GANC: variants seen among roughly 807,000 people sequenced by gnomAD.
GANC encodes the protein neutral alpha-glucosidase C.
Under a neutral mutation model 124.2 loss-of-function variants are expected in GANC, and 117 were observed. The observed-to-expected ratio is 0.94, with a 90% confidence interval of 0.81 to 1.10. The LOEUF is 1.10. Ranked by LOEUF, GANC falls within the 50% of genes least tolerant of loss-of-function variation. The probability of loss-of-function intolerance (pLI) is 0.00; values close to 1 mark genes in which losing one functional copy is unlikely to be tolerated. For synonymous variants in GANC, 377 were observed against 376.8 expected (o/e 1.00, Z -0.01); for missense variants, 1,140 against 1,095.0 (o/e 1.04, Z -0.58).
rs16973008 is a variant in GANC, at chr15:42,287,786, G to A, written c.297G>A (p.Pro99=). Residue 99 remains proline (P), a synonymous_variant, in exon 4 of 24, where the codon CCG becomes CCA. Transcript: ENST00000318010. ...ETPLKPRFEV[P]DVLTSKPSTV... is the part of the protein sequence containing the mutation. ...CTCTAAAACCCAGATTTGAAGTTCC[G>A]GATGTCCTCACAAGCAAGCCAAGCA... 0.07 allele frequency: 112,073 copies of A among 1,612,530 alleles called. 5,711 individuals are homozygous for A. The highest frequency in any genetic ancestry group is 0.24 in the Admixed American group (14,156 of 59,708).
intron 10 of GANC, among the ~76,000 whole-genome samples, chr15:42,316,355 G>A (rs1466434291): frequency 6.6e-6 from 1 of 152,060 alleles, no homozygotes; most frequent in African/African-American, 2.4e-5. Flanking sequence ...ATGGCTGGGC[G>A]CGCTGATATT....
intron 21 of GANC, 73 bp from the exon 22 acceptor site, chr15:42,349,310 C>A: frequency 1.0e-6 from 1 of 953,118 alleles, no homozygotes; most frequent in Admixed American, 1.8e-5. Flanking sequence ...TGTTGTTACC[C>A]TTTAGGAGCT....
Position 42,334,900 on chromosome 15 carries a change from T to C in GANC, c.1742-3489T>C, listed in dbSNP as rs115123736. 8.0e-3 allele frequency among the ~76,000 whole-genome samples: 1,224 copies of C among 152,170 alleles called. 14 individuals carry two copies. The highest frequency in any genetic ancestry group is 0.028 in the African/African-American group (1,170 of 41,512). On this transcript the variant is annotated intron_variant, in intron 15 of 23. Coordinates refer to ENST00000318010, the MANE Select transcript of GANC (RefSeq NM_198141.3). ...GATAAATTCCTGGACACATATACCC[T>C]CCTAAGACTGAACCAAGAAGAAATT... is the stretch of plus-strand genomic sequence containing the variant.
At chr15:42,296,034 C>T (rs12908668) in intron 5 of GANC, among the ~76,000 whole-genome samples, 13 of 151,218 alleles carry the variant, frequency 8.6e-5, no homozygotes, top group African/African-American at 2.9e-4. Flanking sequence ...GTTCCATCTA[C>T]TTGGGAGGTT....
chr15:42,274,452 C>G lies in GANC; in HGVS notation c.-30C>G, dbSNP rs537329072. The G allele has an allele frequency of 6.1e-5, 98 of 1,607,686 alleles. No individual in the cohort carries two copies. The South Asian group carries it at 1.1e-3, about 17-fold the overall frequency. On this transcript the variant is annotated 5_prime_UTR_variant, in exon 1 of 24. Transcript: ENST00000318010. The stretch of plus-strand genomic sequence containing the variant: ...TCGCCCAGGGCCCTTGTCCTGAGAG[C>G]TGGGAGCTGGTCGGAGTGACAGAGA...
chr15:42,349,464 T>C lies in GANC; in HGVS notation c.2500T>C (p.Phe834Leu). 1.2e-6 allele frequency: 2 copies of C among 1,612,112 alleles called. No individual in the cohort carries two copies. The highest frequency in any genetic ancestry group is 1.7e-6 in the Non-Finnish European group (2 of 1,178,220). ...CCAGAAGCAATTTTTGCACAGGAAG[T>C]TTTCATTCTGTTCCAGTGTTCTGAT... ...LHQKQFLHRK[F>L]SFCSSVLINS... The change falls in exon 22 of 24, where the codon TTT becomes CTT. Residue 834 changes from phenylalanine (F) to leucine (L), a missense_variant. By Grantham distance (22) the Phe-to-Leu change is conservative. Coordinates refer to ENST00000318010, the MANE Select transcript of GANC (RefSeq NM_198141.3).
intron 12 of GANC, 111 bp downstream of exon 12, chr15:42,326,535 C>T: frequency 2.0e-6 from 3 of 1,510,626 alleles, no homozygotes; most frequent in Non-Finnish European, 2.7e-6. Flanking sequence ...CCTCTAGCTA[C>T]ATTTTAAGCA....
rs1251179141 is a variant in GANC, at chr15:42,351,349, A to G, written c.2552A>G (p.His851Arg). The G allele has an allele frequency of 1.2e-6, 2 of 1,613,996 alleles. No individual in the cohort carries two copies. Among genetic ancestry groups the G allele is most frequent in the Middle Eastern group, 1.7e-4 (1 of 6,056 alleles). Residue 851 changes from histidine (H) to arginine (R), a missense_variant, in exon 23 of 24, where the codon CAT becomes CGT. Coordinates refer to ENST00000318010, the MANE Select transcript of GANC (RefSeq NM_198141.3). ...TCCAGTTTTGCTGACCAGAGGGGTC[A>G]TTATCCCAGCAAGTGTGTGGTGGAG... ...LINSFADQRG[H>R]YPSKCVVEKI...
At chr15:42,301,427 T>C (rs2051944984) in intron 6 of GANC, among the ~76,000 whole-genome samples, 1 of 151,932 alleles carries the variant, frequency 6.6e-6, no homozygotes, top group Non-Finnish European at 1.5e-5. Flanking sequence ...GGGTGGCTGT[T>C]TGGGCAGACA....
At chr15:42,291,001 A>C (rs2051835115) in intron 4 of GANC, among the ~76,000 whole-genome samples, 1 of 151,968 alleles carries the variant, frequency 6.6e-6, no homozygotes, top group African/African-American at 2.4e-5. Flanking sequence ...ATATACATGC[A>C]CGGGGATTCC....
chr15:42,285,612 T>C (rs985205264), intron 3 of GANC, among the ~76,000 whole-genome samples: 1 of 152,034 alleles, frequency 6.6e-6, no homozygotes, highest in Non-Finnish European at 1.5e-5. Flanking sequence ...CTGGTCAACA[T>C]GGTGAAACCC....
intron 3 of GANC, among the ~76,000 whole-genome samples, chr15:42,278,802 T>C (rs2051702435): frequency 6.6e-6 from 1 of 152,148 alleles, no homozygotes; most frequent in Non-Finnish European, 1.5e-5. Flanking sequence ...GAGACCAGCC[T>C]GGGTAACATG....
intron 4 of GANC, among the ~76,000 whole-genome samples, chr15:42,291,007 A>T (rs929396706): frequency 6.6e-6 from 1 of 151,916 alleles, no homozygotes; most frequent in Non-Finnish European, 1.5e-5. Flanking sequence ...ATGCACGGGG[A>T]TTCCAATTCT....
intron 10 of GANC, among the ~76,000 whole-genome samples, chr15:42,316,454 G>A (rs1340499074): frequency 5.3e-5 from 8 of 151,780 alleles, no homozygotes; most frequent in African/African-American, 1.9e-4. Flanking sequence ...ATCATGGGAC[G>A]GGGGCCCTTC....
At chr15:42,319,613 G>T (rs1168825790) in intron 10 of GANC, among the ~76,000 whole-genome samples, 1 of 152,056 alleles carries the variant, frequency 6.6e-6, no homozygotes, top group East Asian at 1.9e-4. Context: ...TCCTGCCTTA[G>T]CCTTCCAAAG....
rs1421586643 is a variant in GANC, at chr15:42,273,201, G to A, written c.-1281G>A. Reference sequence around the variant, plus strand: ...ACCTTCATGGACCCCTTGGGCCGCCGTAGCCCCACCCCTTGCTCCTCTAGG... The same window carrying A: ...ACCTTCATGGACCCCTTGGGCCGCCATAGCCCCACCCCTTGCTCCTCTAGG... On this transcript the variant is annotated 5_prime_UTR_variant, in exon 1 of 24. Transcript: ENST00000318010. The A allele has an allele frequency of 1.9e-6, 3 of 1,605,300 alleles. No homozygotes were observed. Among genetic ancestry groups the A allele is most frequent in the Non-Finnish European group, 1.7e-6 (2 of 1,173,556 alleles).
At chr15:42,317,481 T>C (rs947752353) in intron 10 of GANC, among the ~76,000 whole-genome samples, 10 of 152,134 alleles carry the variant, frequency 6.6e-5, no homozygotes, top group African/African-American at 2.4e-4. Flanking sequence ...TGGTAATGCT[T>C]GTACTACATG....
chr15:42,274,593 C>A, intron 1 of GANC, 83 bp downstream of exon 1: 3 of 1,329,956 alleles, frequency 2.3e-6, no homozygotes, highest in African/African-American at 1.5e-5. Context: ...TTCTTATTTG[C>A]GTATTTGGTA....
Position 42,343,202 on chromosome 15 carries a change from C to G in GANC, c.2229+48C>G, listed in dbSNP as rs755131487. 7 of 1,489,014 alleles carry G rather than the reference C, an allele frequency of 4.7e-6. No individual in the cohort carries two copies. In the East Asian group the frequency reaches 1.6e-4, roughly 34 times the overall value. 92.2% of individuals were successfully genotyped at this position (1,489,014 alleles called of 1,614,324 possible). ...ATCTGATATGTCTCATATCTCTCAT[C>G]CCTTCTTTTCTTTTAGGAAAGAGAT... On this transcript the variant is annotated intron_variant, in intron 19 of 23. Transcript: ENST00000318010.
Sources: allele counts gnomAD v4.1 joint callset (sites outside exome capture counted in the v4.1 genomes callset), GRCh38; gene constraint gnomAD v4.1.1; transcripts MANE v1.5; gene names NCBI Gene and HGNC (gene_info 2026-07-23, HGNC 2026-07-21).